The following QKI variants were observed in gnomAD, a reference collection of about 807,000 sequenced individuals.
The protein encoded by QKI is KH domain-containing RNA-binding protein QKI.
Under a neutral mutation model 39.0 loss-of-function variants are expected in QKI, and 10 were observed. The observed-to-expected ratio is 0.26, with a 90% CI of 0.16 to 0.43. The LOEUF is 0.43. Ranked by LOEUF, QKI falls within the 20% of genes least tolerant of loss-of-function variation. The pLI is 1.00. For missense variants in QKI, 218 were observed against 428.0 expected, an observed-to-expected ratio of 0.51 and a Z score of 4.33; for synonymous variants, 204 against 155.4, an observed-to-expected ratio of 1.31 and a Z score of -2.33.
At chr6:163,434,524 G>A (rs765693618) in intron 1 of QKI, among the ~76,000 whole-genome samples, 23 of 151,934 alleles carry the variant, frequency 1.5e-4, no homozygotes, top group Non-Finnish European at 3.1e-4. Context: ...GACCATCCTG[G>A]CTAACACAGT....
chr6:163,536,164 A>G (rs1291920919), intron 4 of QKI, among the ~76,000 whole-genome samples: 8 of 152,012 alleles, frequency 5.3e-5, no homozygotes, highest in Non-Finnish European at 1.2e-4. Flanking sequence ...CTGTTGGTAG[A>G]TTTTATTTTT....
At chr6:163,529,346 C>A (rs1316989187) in intron 3 of QKI, among the ~76,000 whole-genome samples, 1 of 152,128 alleles carries the variant, frequency 6.6e-6, no homozygotes, top group Non-Finnish European at 1.5e-5. Flanking sequence ...GCTCTTCAAT[C>A]ATAAAAGTTC....
chr6:163,425,533 G>T (rs545967064), intron 1 of QKI, among the ~76,000 whole-genome samples: 1 of 152,332 alleles, frequency 6.6e-6, no homozygotes, highest in South Asian at 2.1e-4. Context: ...ATTGGATGAA[G>T]TGTGAAGAGT....
intron 1 of QKI, 99 bp downstream of exon 1, chr6:163,415,434 C>A: frequency 4.5e-6 from 4 of 892,054 alleles, no homozygotes; most frequent in South Asian, 1.7e-5. Flanking sequence ...CACGGCCGGG[C>A]GGGACCGAGC....
At chr6:163,457,820 AAATG>A (rs1791037239) in intron 2 of QKI, among the ~76,000 whole-genome samples, 1 of 152,128 alleles carries the variant, frequency 6.6e-6, no homozygotes, top group Non-Finnish European at 1.5e-5. Flanking sequence ...AACAGTACAC[AAATG>A]AATCTATAGC....
intron 5 of QKI, 22 bp downstream of exon 5, chr6:163,562,091 C>G (rs923388225): frequency 6.3e-7 from 1 of 1,582,638 alleles, no homozygotes; most frequent in Admixed American, 1.8e-5. Context: ...CTCTGAGGCC[C>G]AGGGTTACTG....
chr6:163,477,206 G>A (rs1048264533), intron 2 of QKI, among the ~76,000 whole-genome samples: 1 of 151,988 alleles, frequency 6.6e-6, no homozygotes, highest in Non-Finnish European at 1.5e-5. Context: ...AGTAGAGATG[G>A]GGTTTCACCA....
At chr6:163,555,827 TGTA>T (rs1333829602) in intron 4 of QKI, among the ~76,000 whole-genome samples, 10 of 152,138 alleles carry the variant, frequency 6.6e-5, no homozygotes, top group South Asian at 2.1e-4. Context: ...ATTACTTTGT[TGTA>T]GTTTTTTTTT....
intron 1 of QKI, among the ~76,000 whole-genome samples, chr6:163,418,594 A>G (rs1787737935): frequency 6.6e-6 from 1 of 152,132 alleles, no homozygotes; most frequent in Non-Finnish European, 1.5e-5. Context: ...GGTTGGGCCC[A>G]TCATAAAATA....
chr6:163,479,311 A>G (rs1792882222), intron 3 of QKI, among the ~76,000 whole-genome samples: 1 of 152,214 alleles, frequency 6.6e-6, no homozygotes, highest in South Asian at 2.1e-4. Flanking sequence ...ACTATGTTCC[A>G]TGTCAGGAAC....
chr6:163,479,887 C>T (rs908465208), intron 3 of QKI, among the ~76,000 whole-genome samples: 1 of 152,132 alleles, frequency 6.6e-6, no homozygotes, highest in Non-Finnish European at 1.5e-5. Context: ...TATGTCAGAT[C>T]ACTGGGAGAG....
intron 3 of QKI, among the ~76,000 whole-genome samples, chr6:163,499,355 G>A (rs1439075971): frequency 1.3e-5 from 2 of 152,146 alleles, no homozygotes; most frequent in Non-Finnish European, 2.9e-5. Context: ...GACACAGCAA[G>A]TGAGTTTTTT....
chr6:163,494,634 T>C (rs572119345), intron 3 of QKI, among the ~76,000 whole-genome samples: 1 of 151,280 alleles, frequency 6.6e-6, no homozygotes, highest in Non-Finnish European at 1.5e-5. Context: ...CATGGTCTGC[T>C]TAGTGTCACG....
intron 3 of QKI, among the ~76,000 whole-genome samples, chr6:163,495,335 C>CT (rs1778338225): frequency 6.6e-6 from 1 of 152,110 alleles, no homozygotes; most frequent in Admixed American, 6.5e-5. Flanking sequence ...GCAGTATTGG[C>CT]TAATTCAGTG....
At chr6:163,446,705 TG>T (rs758727623) in intron 1 of QKI, among the ~76,000 whole-genome samples, 1 of 152,190 alleles carries the variant, frequency 6.6e-6, no homozygotes, top group Non-Finnish European at 1.5e-5. Flanking sequence ...AACTCTTTTT[TG>T]GTAAGTTGAA....
At chr6:163,469,040 T>C (rs982110083) in intron 2 of QKI, among the ~76,000 whole-genome samples, 1 of 152,058 alleles carries the variant, frequency 6.6e-6, no homozygotes, top group Admixed American at 6.6e-5. Context: ...GGGGCAATAG[T>C]GATTGTTTCA....
chr6:163,551,632 A>C (rs1441379167), intron 4 of QKI, among the ~76,000 whole-genome samples: 1 of 152,238 alleles, frequency 6.6e-6, no homozygotes, highest in Non-Finnish European at 1.5e-5. Context: ...ATTGTTTTAA[A>C]TGCCAGGTAG....
chr6:163,521,350 A>G (rs1180211776), intron 3 of QKI, among the ~76,000 whole-genome samples: 4 of 152,190 alleles, frequency 2.6e-5, no homozygotes, highest in Non-Finnish European at 5.9e-5. Flanking sequence ...TCTTACAGAT[A>G]TTTAAATGTG....
intron 1 of QKI, among the ~76,000 whole-genome samples, chr6:163,427,960 A>G (rs1042589000): frequency 6.6e-5 from 10 of 152,204 alleles, no homozygotes; most frequent in Non-Finnish European, 1.5e-4. Context: ...CTCTAGTGCA[A>G]ACTTGTTGTC....
Sources: gnomAD v4.1 joint callset for allele counts (sites outside exome capture counted in the v4.1 genomes callset) on GRCh38, gnomAD v4.1.1 for gene constraint, MANE v1.5 for transcripts, NCBI Gene and HGNC (gene_info 2026-07-23, HGNC 2026-07-21) for gene names.